GPR50: variants seen among roughly 807,000 people sequenced by gnomAD.
GPR50 encodes the protein G protein-coupled receptor 50, also known as melatonin-related receptor.
Under a neutral mutation model 2.6 loss-of-function variants are expected in GPR50, and 1 was observed. That is an observed-to-expected ratio of 0.38 (90% CI 0.13 to 1.79). GPR50 has a LOEUF of 1.79. Among genes scored for constraint, GPR50 ranks in the 40% most tolerant of loss-of-function variants. The pLI is 0.33. For synonymous variants in GPR50, 233 were observed against 202.3 expected (o/e 1.15, Z -1.29); for missense variants, 535 against 522.1 (o/e 1.02, Z -0.24).
chrX:151,178,328 C>A (rs1172157648), intron 1 of GPR50, among the ~76,000 whole-genome samples: 1 of 112,644 alleles, frequency 8.9e-6, no homozygotes, highest in East Asian at 2.8e-4. Context: ...ATTTCTCCTT[C>A]GTCTCCTGGA....
In GPR50 at chrX:151,180,469, C is replaced by T. The variant is rs894022568; in HGVS notation, c.886C>T (p.Leu296Phe). 1 of 1,208,587 alleles carries T rather than the reference C, an allele frequency of 8.3e-7. No homozygotes were observed. The highest frequency in any genetic ancestry group is 3.0e-5 in the East Asian group (1 of 33,737). Residue 296 changes from leucine (L) to phenylalanine (F), a missense_variant, in exon 2 of 2, where the codon CTC becomes TTC. Leu to Phe is a conservative substitution (Grantham distance 22). Transcript: ENST00000218316. Reference sequence around the variant, plus strand: ...CTGCCTCAACGCTGTGATCTACGGGCTCCTCAATGAGAATTTCCGAAGAGA... The same window carrying T: ...CTGCCTCAACGCTGTGATCTACGGGTTCCTCAATGAGAATTTCCGAAGAGA... The part of the protein sequence containing the change: ...NSCLNAVIYG[L>F]LNENFRREYW...
At chrX:151,181,504 G>C, downstream of GPR50, 1 of 753,777 alleles carries the variant, frequency 1.3e-6, no homozygotes, top group Middle Eastern at 3.2e-4. Context: ...GTAATCCAAA[G>C]TGAGATGCCT....
At position 151,179,949 on chromosome X, in the gene GPR50, C is replaced by T. The variant is rs761945028; in HGVS notation, c.366C>T (p.Ile122=). The change falls in exon 2 of 2, where the codon ATC becomes ATT. Residue 122 remains isoleucine, a synonymous_variant. Transcript: ENST00000218316. ...VVGSIFNIVA[I]AINRYCYICH... ...GCTCCATCTTCAACATCGTGGCAAT[C>T]GCTATCAACCGTTACTGCTACATCT... 110 of 1,209,068 alleles carry T rather than the reference C, an allele frequency of 9.1e-5. No individual in the cohort carries two copies. Among genetic ancestry groups the T allele is most frequent in the Non-Finnish European group, 1.1e-4 (100 of 894,854 alleles).
At chrX:151,178,984 A>G (rs1382220560) in intron 1 of GPR50, among the ~76,000 whole-genome samples, 3 of 112,121 alleles carry the variant, frequency 2.7e-5, no homozygotes, top group Non-Finnish European at 3.8e-5. Flanking sequence ...CTGCGCGTGG[A>G]CGTGGACGCG....
At position 151,181,449 on chromosome X, in the gene GPR50, G is replaced by C; in HGVS notation, c.*12G>C. ...AAATGGCTGTGTGAAAAATGCTCTC[G>C]TAGGTGGCCAGGCAGTGGTCCCCTT... is the stretch of plus-strand genomic sequence containing the variant. On this transcript the variant is annotated 3_prime_UTR_variant, in exon 2 of 2. Coordinates refer to ENST00000218316, the MANE Select transcript of GPR50 (RefSeq NM_004224.3). 8.7e-7 allele frequency: 1 copy of C among 1,147,245 alleles called. No homozygotes were observed. The allele number at this position is 1,147,245 out of a possible 1,213,427, so 94.5% of individuals were successfully genotyped here.
At chrX:151,181,850 G>A (rs1028305738), downstream of GPR50, among the ~76,000 whole-genome samples, 1 of 112,125 alleles carries the variant, frequency 8.9e-6, no homozygotes, top group African/African-American at 3.2e-5. Context: ...AGAGGGGTAT[G>A]TGCGCAATGC....
At chrX:151,179,707 T>G in intron 1 of GPR50, 64 bp from the exon 2 acceptor site, 5 of 778,138 alleles carry the variant, frequency 6.4e-6, no homozygotes, top group Non-Finnish European at 5.5e-6. Flanking sequence ...TGTAGATTTC[T>G]GTACTTAAAC....
In GPR50 at chrX:151,181,294, C is replaced by T. The variant is rs769745013; in HGVS notation, c.1711C>T (p.Pro571Ser). ...PESASSPAAG[P>S]TKPAASQLES... ...GTCGGCCTCTAGCCCTGCCGCTGGG[C>T]CCACCAAGCCTGCTGCCAGCCAGCT... Residue 571 changes from proline (P) to serine (S), a missense_variant, in exon 2 of 2, where the codon CCC becomes TCC. Transcript: ENST00000218316. 1.7e-6 allele frequency: 2 copies of T among 1,210,901 alleles called. No homozygotes were observed. Among genetic ancestry groups the T allele is most frequent in the East Asian group, 5.9e-5 (2 of 33,837 alleles).
At chrX:151,179,502 A>G (rs1000864690) in intron 1 of GPR50, among the ~76,000 whole-genome samples, 2 of 109,668 alleles carry the variant, frequency 1.8e-5, no homozygotes, top group South Asian at 4.1e-4. Context: ...ACCTCCAGTG[A>G]AGGAAACGTT....
rs776638905 is a variant in GPR50 at position 151,180,342 on chromosome X, C to T, written c.759C>T (p.Ile253=). The T allele has an allele frequency of 1.7e-6, 2 of 1,210,064 alleles. No individual in the cohort carries two copies. Among genetic ancestry groups the T allele is most frequent in the East Asian group, 5.9e-5 (2 of 33,826 alleles). ...TCTTTGCAGTGTGCTGGTGCCCTAT[C>T]AACGTGCTCACTGTCTTGGTGGCTG... is the stretch of plus-strand genomic sequence containing the variant. ...FLLFAVCWCP[I]NVLTVLVAVS... is the part of the protein sequence containing the mutation. Residue 253 remains isoleucine, a synonymous_variant, in exon 2 of 2, where the codon ATC becomes ATT. Transcript: ENST00000218316.
At position 151,180,564 on chromosome X, in the gene GPR50, T is replaced by C; in HGVS notation, c.981T>C (p.Arg327=). 8.3e-7 allele frequency: 1 copy of C among 1,210,861 alleles called. No individual in the cohort carries two copies. Among genetic ancestry groups the C allele is most frequent in the East Asian group, 3.0e-5 (1 of 33,808 alleles). Residue 327 remains arginine (R), a synonymous_variant, in exon 2 of 2, where the codon CGT becomes CGC. Coordinates refer to ENST00000218316, the MANE Select transcript of GPR50 (RefSeq NM_004224.3). The part of the protein sequence containing the change: ...IFFSGLISDI[R]EMQEARTLAR... ...TCTCTGGCCTCATCAGTGATATTCG[T>C]GAGATGCAGGAGGCCCGTACCCTGG...
chrX:151,180,988 C>T lies in GPR50; in HGVS notation c.1405C>T (p.Pro469Ser). The change falls in exon 2 of 2, where the codon CCT becomes TCT. Residue 469 changes from proline (P) to serine (S), a missense_variant. By Grantham distance (74) the Pro-to-Ser change is moderately conservative (BLOSUM62 -1). Coordinates refer to ENST00000218316, the MANE Select transcript of GPR50 (RefSeq NM_004224.3). ...HFKPDSVHFK[P>S]ASSNPKPITG... ...CAAGCCTGACTCTGTTCATTTCAAGCCTGCTTCCAGCAACCCCAAGCCCAT... is the reference window on the plus strand; with the variant it reads ...CAAGCCTGACTCTGTTCATTTCAAGTCTGCTTCCAGCAACCCCAAGCCCAT... The T allele has an allele frequency of 7.4e-6, 9 of 1,211,082 alleles. No individual in the cohort carries two copies. Among genetic ancestry groups the T allele is most frequent in the Non-Finnish European group, 1.0e-5 (9 of 895,050 alleles).
In GPR50 at chrX:151,179,046, TC is replaced by T. The variant is rs371109550; in HGVS notation, c.188-718del. Reference sequence around the variant, plus strand: ...CTAATCCTTGCAGGATTTTTTCTCCTCCCCCCCACCCCCGCCCACCTCGCGC... The same window carrying T: ...CTAATCCTTGCAGGATTTTTTCTCCTCCCCCCACCCCCGCCCACCTCGCGC... On this transcript the variant is annotated intron_variant, in intron 1 of 1. Transcript: ENST00000218316. 8.4e-3 allele frequency among the ~76,000 whole-genome samples: 776 copies of T among 92,354 alleles called. 7 individuals carry two copies. The highest frequency in any genetic ancestry group is 0.03 in the African/African-American group (735 of 24,768). The allele number at this position is 92,354 out of a possible 115,157, so 80.2% of individuals were successfully genotyped here. A position where few individuals can be genotyped will look rare whatever the true frequency, so the allele number is the denominator to read the frequency against.
At chrX:151,182,600 T>TGGCTAA (rs1444914817), downstream of GPR50, 11 of 111,905 alleles carry the variant, frequency 9.8e-5, no homozygotes, top group Admixed American at 1.0e-3. Flanking sequence ...CCACCACACT[T>TGGCTAA]GGCTAAGGTT....
chrX:151,176,702 T>C lies in GPR50; in HGVS notation c.-20T>C, dbSNP rs766885807. On this transcript the variant is annotated 5_prime_UTR_variant, in exon 1 of 2. Coordinates refer to ENST00000218316, the MANE Select transcript of GPR50 (RefSeq NM_004224.3). Reference sequence around the variant, plus strand: ...TGATCCTGAGCCTGCTGGGAGATCTTAACGATCCCCAGGAGCAACATGGGG... The same window carrying C: ...TGATCCTGAGCCTGCTGGGAGATCTCAACGATCCCCAGGAGCAACATGGGG... 9 of 1,136,477 alleles carry C rather than the reference T, an allele frequency of 7.9e-6. No individual in the cohort carries two copies. The South Asian group carries it at 1.6e-4, about 21-fold the overall frequency. 93.7% of individuals were successfully genotyped at this position (1,136,477 alleles called of 1,213,427 possible).
rs749509959 is a variant in GPR50, at chrX:151,180,587, T to A, written c.1004T>A (p.Leu335Gln). The change falls in exon 2 of 2, where the codon CTG becomes CAG. Residue 335 changes from leucine (L) to glutamine (Q), a missense_variant. Coordinates refer to ENST00000218316, the MANE Select transcript of GPR50 (RefSeq NM_004224.3). ...DIREMQEART[L>Q]ARARAHARDQ... Reference sequence around the variant, plus strand: ...CGTGAGATGCAGGAGGCCCGTACCCTGGCCCGCGCCCGTGCCCATGCTCGC... The same window carrying A: ...CGTGAGATGCAGGAGGCCCGTACCCAGGCCCGCGCCCGTGCCCATGCTCGC... 30 of 1,208,484 alleles carry A rather than the reference T, an allele frequency of 2.5e-5. No homozygotes were observed. Among genetic ancestry groups the A allele is most frequent in the Non-Finnish European group, 3.2e-5 (29 of 894,172 alleles).
chrX:151,180,674 A>T lies in GPR50; in HGVS notation c.1091A>T (p.Asn364Ile). 1 of 1,211,060 alleles carries T rather than the reference A, an allele frequency of 8.3e-7. No homozygotes were observed. Among genetic ancestry groups the T allele is most frequent in the Non-Finnish European group, 1.1e-6 (1 of 895,337 alleles). ...CCTGCTGTGGAGGAAACCCCGATGAATGTCCGGAATGTTCCATTACCTGGT... is the reference window on the plus strand; with the variant it reads ...CCTGCTGTGGAGGAAACCCCGATGATTGTCCGGAATGTTCCATTACCTGGT... Reference protein sequence around the residue: ...ACPAVEETPMNVRNVPLPGDA... With the variant: ...ACPAVEETPMIVRNVPLPGDA... The change falls in exon 2 of 2, where the codon AAT (asparagine) becomes ATT (isoleucine). Residue 364 changes from asparagine to isoleucine, a missense_variant. Asn to Ile is a moderately radical substitution (Grantham distance 149). Transcript: ENST00000218316.
At chrX:151,176,931 T>C (rs758455394) in intron 1 of GPR50, 23 bp downstream of exon 1, 1 of 1,131,033 alleles carries the variant, frequency 8.8e-7, no homozygotes, top group Non-Finnish European at 1.2e-6. Context: ...TTCTTCTCCC[T>C]ACCCAGTGTG....
At chrX:151,177,836 C>G (rs1277416321) in intron 1 of GPR50, 2 of 111,920 alleles carry the variant, frequency 1.8e-5, no homozygotes, top group Non-Finnish European at 3.7e-5. Flanking sequence ...CGGGACTTCC[C>G]CCGCTGCTAG....
Sources: allele counts gnomAD v4.1 joint callset (sites outside exome capture counted in the v4.1 genomes callset), GRCh38; gene constraint gnomAD v4.1.1; transcripts MANE v1.5; gene names NCBI Gene and HGNC (gene_info 2026-07-23, HGNC 2026-07-21).